The following TNR variants were observed in gnomAD, a reference collection of about 807,000 sequenced individuals.
TNR encodes tenascin-R.
Under a neutral mutation model 150.4 loss-of-function variants are expected in TNR, and 45 were observed. The observed-to-expected ratio is 0.30, with a 90% CI of 0.24 to 0.38. The LOEUF is 0.38. TNR is among the 10% of genes least tolerant of loss of function. The pLI is 1.00. For missense variants in TNR, 1,544 were observed against 1,759.1 expected, an observed-to-expected ratio of 0.88 and a Z score of 2.19; for synonymous variants, 687 against 678.4, an observed-to-expected ratio of 1.01 and a Z score of -0.20.
chr1:175,549,227 T>C (rs1166669937), intron 1 of TNR, among the ~76,000 whole-genome samples: 1 of 152,236 alleles, frequency 6.6e-6, no homozygotes, highest in Non-Finnish European at 1.5e-5. Context: ...GAAGGAAATC[T>C]TGTTTTTCCT....
intron 1 of TNR, among the ~76,000 whole-genome samples, chr1:175,706,606 TAGAA>T (rs1165830753): frequency 6.6e-6 from 1 of 152,026 alleles, no homozygotes; most frequent in Non-Finnish European, 1.5e-5. Flanking sequence ...AAAAACAGGA[TAGAA>T]ACATACCATC....
chr1:175,586,252 T>C (rs768621611), intron 1 of TNR, among the ~76,000 whole-genome samples: 6 of 152,342 alleles, frequency 3.9e-5, no homozygotes, highest in African/African-American at 1.2e-4. Context: ...GAATCCTATC[T>C]GGAGATGCCA....
chr1:175,400,232 T>C (rs953594699), intron 4 of TNR, among the ~76,000 whole-genome samples: 1 of 152,176 alleles, frequency 6.6e-6, no homozygotes. Flanking sequence ...TCTTTGTGTA[T>C]ATGGCTTTAA....
At chr1:175,519,945 T>C (rs574951898) in intron 2 of TNR, among the ~76,000 whole-genome samples, 17 of 152,204 alleles carry the variant, frequency 1.1e-4, no homozygotes, top group Non-Finnish European at 2.9e-5. Context: ...TCAAACTACT[T>C]GGGTTCAAAT....
chr1:175,367,744 C>T (rs1038140843), intron 9 of TNR, among the ~76,000 whole-genome samples: 7 of 152,252 alleles, frequency 4.6e-5, no homozygotes, highest in Middle Eastern at 6.8e-3. Context: ...CCAAGCTACA[C>T]CTTTTACAGG....
chr1:175,585,351 G>A (rs948757886), intron 1 of TNR, among the ~76,000 whole-genome samples: 1 of 152,182 alleles, frequency 6.6e-6, no homozygotes, highest in African/African-American at 2.4e-5. Context: ...TCCTGAAGTA[G>A]TTCTGAAACA....
intron 7 of TNR, among the ~76,000 whole-genome samples, chr1:175,391,005 G>A (rs749652852): frequency 6.6e-6 from 1 of 152,204 alleles, no homozygotes; most frequent in Non-Finnish European, 1.5e-5. Context: ...TGACAAATGA[G>A]TGTTCTTCAT....
At chr1:175,335,933 A>T (rs1184085832) in intron 19 of TNR, 126 bp from the exon 20 acceptor site, 1 of 785,378 alleles carries the variant, frequency 1.3e-6, no homozygotes. Flanking sequence ...AATGACAAAG[A>T]TGTCCAAAGA....
intron 2 of TNR, among the ~76,000 whole-genome samples, chr1:175,464,711 A>G (rs1488689506): frequency 6.6e-6 from 1 of 152,230 alleles, no homozygotes; most frequent in Non-Finnish European, 1.5e-5. Flanking sequence ...GAGACCTTCC[A>G]CTGTCATATT....
chr1:175,723,336 AC>A (rs1353128818), intron 1 of TNR, among the ~76,000 whole-genome samples: 3 of 152,144 alleles, frequency 2.0e-5, no homozygotes, highest in Non-Finnish European at 4.4e-5. Context: ...CCTCAGAAGG[AC>A]TTTCATAGGA....
chr1:175,595,968 T>C (rs556707680), intron 1 of TNR, among the ~76,000 whole-genome samples: 1 of 143,776 alleles, frequency 7.0e-6, no homozygotes, highest in South Asian at 2.2e-4. Flanking sequence ...CAGGCGAATA[T>C]GATAATGGAG....
At chr1:175,465,805 C>T (rs1657010049) in intron 2 of TNR, among the ~76,000 whole-genome samples, 1 of 152,192 alleles carries the variant, frequency 6.6e-6, no homozygotes, top group Non-Finnish European at 1.5e-5. Flanking sequence ...TGCCCACACT[C>T]ACTCTAGCTC....
At chr1:175,353,376 A>G (rs1651156941) in intron 18 of TNR, among the ~76,000 whole-genome samples, 1 of 152,202 alleles carries the variant, frequency 6.6e-6, no homozygotes, top group Non-Finnish European at 1.5e-5. Context: ...AGTACTTGGC[A>G]AGTAACTCTC....
intron 2 of TNR, among the ~76,000 whole-genome samples, chr1:175,506,838 C>T (rs1288253888): frequency 2.0e-5 from 3 of 152,222 alleles, no homozygotes; most frequent in African/African-American, 7.2e-5. Context: ...GACAGATATT[C>T]TAGGCACCCA....
At chr1:175,697,217 AGGTGGGGAGGG>A (rs1553254812) in intron 1 of TNR, among the ~76,000 whole-genome samples, 1 of 98,274 alleles carries the variant, frequency 1.0e-5, no homozygotes, top group Non-Finnish European at 1.9e-5. Flanking sequence ...AACAAGAGCA[AGGTGGGGAGGG>A]GGTGGGGTCA....
At chr1:175,402,455 G>T (rs1210669711) in intron 4 of TNR, among the ~76,000 whole-genome samples, 1 of 151,014 alleles carries the variant, frequency 6.6e-6, no homozygotes, top group African/African-American at 2.4e-5. Flanking sequence ...CATAGGGTTG[G>T]TTCTAATTTG....
At chr1:175,548,848 C>T (rs1469442875) in intron 1 of TNR, among the ~76,000 whole-genome samples, 1 of 152,190 alleles carries the variant, frequency 6.6e-6, no homozygotes, top group African/African-American at 2.4e-5. Flanking sequence ...ATGCTCAGAG[C>T]AACACTCCCA....
At chr1:175,736,150 A>G (rs543460588) in intron 1 of TNR, among the ~76,000 whole-genome samples, 1 of 152,352 alleles carries the variant, frequency 6.6e-6, no homozygotes, top group South Asian at 2.1e-4. Context: ...TCTGGGCTAG[A>G]GGACATGTTC....
At position 175,317,837 on chromosome 1, in the gene TNR, T is replaced by C. The variant is rs1382927988; in HGVS notation, c.*5520A>G. 6.6e-6 allele frequency: 1 copy of C among 152,262 alleles called. No individual in the cohort carries two copies. The highest frequency in any genetic ancestry group is 1.5e-5 in the Non-Finnish European group (1 of 68,076). The allele number at this position is 152,262 out of a possible 1,614,324, so 9.4% of individuals were successfully genotyped here. A position where few individuals can be genotyped will look rare whatever the true frequency, so the allele number is the denominator to read the frequency against. ...GTGTGTCTGAGGAACAAGAGCTGTG[T>C]TATTTGGATGCACTGCAAGAGCCTT... is the stretch of plus-strand genomic sequence containing the variant. On this transcript the variant is annotated 3_prime_UTR_variant, in exon 23 of 23. Coordinates refer to ENST00000367674, the MANE Select transcript of TNR (RefSeq NM_003285.3).
Sources: allele counts gnomAD v4.1 joint callset (sites outside exome capture counted in the v4.1 genomes callset), GRCh38; gene constraint gnomAD v4.1.1; transcripts MANE v1.5; gene names NCBI Gene and HGNC (gene_info 2026-07-23, HGNC 2026-07-21).